DSCAML1: variants seen among roughly 807,000 people sequenced by gnomAD.
DSCAML1 encodes the protein cell adhesion molecule DSCAML1.
DSCAML1 carries 38 observed loss-of-function variants against 200.5 expected under a neutral mutation model. The observed-to-expected ratio is 0.19, with a 90% CI of 0.15 to 0.25. The LOEUF is 0.25. Ranked by LOEUF, DSCAML1 falls within the 10% of genes least tolerant of loss-of-function variation. The pLI, the probability that DSCAML1 is intolerant of heterozygous loss-of-function variation, is 1.00. For synonymous variants in DSCAML1, 1,215 were observed against 1,165.0 expected (o/e 1.04, Z -0.87); for missense variants, 2,223 against 2,858.8 (o/e 0.78, Z 5.07).
intron 3 of DSCAML1, among the ~76,000 whole-genome samples, chr11:117,767,988 A>C (rs955354376): frequency 2.6e-5 from 4 of 152,154 alleles, no homozygotes; most frequent in Non-Finnish European, 5.9e-5. Flanking sequence ...CTGCCTGCAC[A>C]AGTCACTAAG....
chr11:117,475,636 T>A (rs1159040495), intron 14 of DSCAML1, among the ~76,000 whole-genome samples: 2 of 152,182 alleles, frequency 1.3e-5, no homozygotes, highest in Admixed American at 6.5e-5. Flanking sequence ...TGCTGTTGAT[T>A]TTAAACCAGA....
intron 26 of DSCAML1, among the ~76,000 whole-genome samples, chr11:117,436,279 G>A (rs1294219072): frequency 6.6e-6 from 1 of 152,134 alleles, no homozygotes; most frequent in African/African-American, 2.4e-5. Flanking sequence ...GGCCATATCT[G>A]TTAACCTGGG....
At chr11:117,609,203 TA>T (rs59810881) in intron 3 of DSCAML1, among the ~76,000 whole-genome samples, 2,963 of 139,052 alleles carry the variant, frequency 0.021, 28 homozygotes, top group East Asian at 0.063. Flanking sequence ...TATCTCAATT[TA>T]AAAAAAAAAA....
At chr11:117,544,383 T>C (rs1444388467) in intron 3 of DSCAML1, among the ~76,000 whole-genome samples, 6 of 152,214 alleles carry the variant, frequency 3.9e-5, no homozygotes, top group Non-Finnish European at 8.8e-5. Flanking sequence ...GGGCTGTCCT[T>C]TCCTCCCAAG....
upstream of DSCAML1, among the ~76,000 whole-genome samples, chr11:117,799,671 C>G (rs985874573): frequency 1.6e-4 from 25 of 152,300 alleles, no homozygotes; most frequent in African/African-American, 5.5e-4. Context: ...TTGGAAACAG[C>G]AGGAGATGAG....
Position 117,518,157 on chromosome 11 carries a change from T to G in DSCAML1, c.1510+309A>C, listed in dbSNP as rs922799362. ...TAGCATACTTGGGCCCCAGAGAGAT[T>G]TGATGGGGAGGAATGGGCTAGAGGG... On this transcript the variant is annotated intron_variant, in intron 7 of 32. Coordinates refer to ENST00000651296, the MANE Select transcript of DSCAML1 (RefSeq NM_020693.4). This position sits in a 1 kb window ranked among gnomAD's most constrained non-coding sequence, Gnocchi z 6.3. Among the ~76,000 whole-genome samples the G allele has an allele frequency of 2.0e-5, 3 of 151,582 alleles. No homozygotes were observed. The highest frequency in any genetic ancestry group is 4.4e-5 in the Non-Finnish European group (3 of 67,896).
intron 11 of DSCAML1, among the ~76,000 whole-genome samples, chr11:117,502,812 G>A (rs552086953): frequency 1.3e-5 from 2 of 152,152 alleles, no homozygotes; most frequent in Admixed American, 1.3e-4. Flanking sequence ...CTCTTGACAT[G>A]AAATGTAACG....
chr11:117,750,957 G>A (rs2054595143), intron 3 of DSCAML1, among the ~76,000 whole-genome samples: 1 of 152,170 alleles, frequency 6.6e-6, no homozygotes, highest in South Asian at 2.1e-4. Flanking sequence ...AGTCTGAGCT[G>A]TCTCCATCTT....
intron 14 of DSCAML1, among the ~76,000 whole-genome samples, chr11:117,477,225 A>ACACG (rs1555174377): frequency 2.7e-5 from 4 of 150,192 alleles, no homozygotes; most frequent in Non-Finnish European, 4.4e-5. Flanking sequence ...ACACACACAC[A>ACACG]CGTGCACACT....
chr11:117,815,608 G>A (rs1591529380), intron 1 of DSCAML1, among the ~76,000 whole-genome samples: 1 of 152,100 alleles, frequency 6.6e-6, no homozygotes, highest in African/African-American at 2.4e-5. Flanking sequence ...GACATCTAGA[G>A]ACAGTAGCAG....
chr11:117,731,356 A>G (rs987297345), intron 3 of DSCAML1, among the ~76,000 whole-genome samples: 16 of 152,202 alleles, frequency 1.1e-4, no homozygotes, highest in Non-Finnish European at 8.8e-5. Context: ...GGTCCTCAAC[A>G]TGGGTGTTGG....
chr11:117,599,589 T>C (rs1312159117), intron 3 of DSCAML1, among the ~76,000 whole-genome samples: 1 of 152,170 alleles, frequency 6.6e-6, no homozygotes. Flanking sequence ...CTCTATACCA[T>C]GTGAACATAT....
At chr11:117,715,544 C>T (rs567364828) in intron 3 of DSCAML1, among the ~76,000 whole-genome samples, 2 of 152,328 alleles carry the variant, frequency 1.3e-5, no homozygotes, top group East Asian at 3.9e-4. Context: ...ACAGCGATAG[C>T]TCTTGCCTGC....
chr11:117,525,051 C>T lies in DSCAML1; in HGVS notation c.691G>A (p.Gly231Ser). 6.3e-7 allele frequency: 1 copy of T among 1,587,060 alleles called. No homozygotes were observed. The highest frequency in any genetic ancestry group is 1.1e-5 in the South Asian group (1 of 87,222). The change falls in exon 5 of 33, where the codon GGC becomes AGC. Residue 231 changes from glycine to serine, a missense_variant. Physicochemically the swap from Gly to Ser is moderately conservative, Grantham distance 56. Coordinates refer to ENST00000651296, the MANE Select transcript of DSCAML1 (RefSeq NM_020693.4). ...PAESIPTILD[G>S]FHSQEVWAGH... ...GCCCACACTTCCTGGGAGTGGAAGC[C>T]ATCCAGGATGGTGGGGATCGACTCA...
At chr11:117,550,092 C>T (rs1260801071) in intron 3 of DSCAML1, among the ~76,000 whole-genome samples, 1 of 152,134 alleles carries the variant, frequency 6.6e-6, no homozygotes, top group Non-Finnish European at 1.5e-5. Context: ...TATCTATACC[C>T]CTTATCCAGC....
intron 3 of DSCAML1, among the ~76,000 whole-genome samples, chr11:117,635,438 AGT>A (rs1403896616): frequency 3.4e-5 from 5 of 147,000 alleles, no homozygotes; most frequent in African/African-American, 7.8e-5. Context: ...AGAACGTCCT[AGT>A]GTGTGTGGTG....
intron 21 of DSCAML1, among the ~76,000 whole-genome samples, chr11:117,442,663 A>G (rs572199221): frequency 1.9e-4 from 29 of 152,270 alleles, no homozygotes; most frequent in African/African-American, 7.0e-4. Flanking sequence ...AGAAGAGGCC[A>G]GCCTTCTGCA....
intron 1 of DSCAML1, among the ~76,000 whole-genome samples, chr11:117,810,269 GCC>G (rs1565295861): frequency 2.6e-4 from 39 of 151,290 alleles, no homozygotes; most frequent in Middle Eastern, 3.4e-3. Context: ...AAACTCCAGC[GCC>G]CTCTGGGGGA....
In DSCAML1 at chr11:117,437,858, C is replaced by T; in HGVS notation, c.4432+37G>A. The T allele has an allele frequency of 1.3e-6, 2 of 1,564,918 alleles. No individual in the cohort carries two copies. The highest frequency in any genetic ancestry group is 2.3e-4 in the Middle Eastern group (1 of 4,388). Reference sequence around the variant, plus strand: ...CCCTCTAGCCCACCCTCCCTGGGCCCATCGCTCCTTCCCTGCCCCAGTGGC... The same window carrying T: ...CCCTCTAGCCCACCCTCCCTGGGCCTATCGCTCCTTCCCTGCCCCAGTGGC... On this transcript the variant is annotated intron_variant, in intron 25 of 32. Coordinates refer to ENST00000651296, the MANE Select transcript of DSCAML1 (RefSeq NM_020693.4). This position sits in a 1 kb window ranked among gnomAD's most constrained non-coding sequence, Gnocchi z 5.3.
Sources: gnomAD v4.1 joint callset for allele counts (sites outside exome capture counted in the v4.1 genomes callset) on GRCh38, gnomAD v4.1.1 for gene constraint, Gnocchi (gnomAD v3.1) non-coding constraint, MANE v1.5 for transcripts, NCBI Gene and HGNC (gene_info 2026-07-23, HGNC 2026-07-21) for gene names.